Variants in FHIT observed in about 807,000 individuals in gnomAD.
FHIT encodes the protein bis(5'-adenosyl)-triphosphatase.
FHIT carries 19 observed loss-of-function variants against 17.9 expected under a neutral mutation model. The ratio of observed to expected loss-of-function variants is 1.06; its 90% CI spans 0.74 to 1.56. The LOEUF (loss-of-function observed/expected upper bound fraction) is 1.56, where lower values mean the gene tolerates loss of function less well. Among genes scored for constraint, FHIT ranks in the 40% most tolerant of loss-of-function variants. The pLI is 0.00. For missense variants in FHIT, 248 were observed against 189.2 expected (o/e 1.31, Z -1.82); for synonymous variants, 81 against 69.7 (o/e 1.16, Z -0.81).
chr3:60,983,750 T>C (rs1026518148), intron 3 of FHIT, among the ~76,000 whole-genome samples: 10 of 152,146 alleles, frequency 6.6e-5, no homozygotes, highest in Admixed American at 2.0e-4. Flanking sequence ...TGTTTGAGGA[T>C]GGCAAGCATG....
intron 2 of FHIT, among the ~76,000 whole-genome samples, chr3:61,065,970 C>G (rs2034595802): frequency 6.6e-6 from 1 of 152,100 alleles, no homozygotes; most frequent in African/African-American, 2.4e-5. Context: ...AATTTATAAA[C>G]AACAGAGATT....
intron 2 of FHIT, among the ~76,000 whole-genome samples, chr3:61,063,199 T>G (rs2034487347): frequency 7.3e-6 from 1 of 137,550 alleles, no homozygotes; most frequent in South Asian, 2.3e-4. Context: ...GAGCTTGCAA[T>G]GAGCTGAGAC....
chr3:59,995,144 T>C (rs1032222707), intron 7 of FHIT, among the ~76,000 whole-genome samples: 2 of 151,314 alleles, frequency 1.3e-5, no homozygotes, highest in Non-Finnish European at 2.9e-5. Context: ...TTGTCCAGGA[T>C]AGTACAAATC....
chr3:59,960,723 CT>C (rs1707633791), intron 7 of FHIT, among the ~76,000 whole-genome samples: 1 of 152,216 alleles, frequency 6.6e-6, no homozygotes, highest in African/African-American at 2.4e-5. Context: ...GCATCTGCAT[CT>C]TTCTTCCTCT....
At chr3:61,208,961 T>G (rs1162666418) in intron 1 of FHIT, among the ~76,000 whole-genome samples, 1 of 152,058 alleles carries the variant, frequency 6.6e-6, no homozygotes, top group African/African-American at 2.4e-5. Flanking sequence ...GTACTGGTTG[T>G]TCCTTTCCAT....
chr3:60,440,383 G>A (rs1261983090), intron 5 of FHIT, among the ~76,000 whole-genome samples: 1 of 152,022 alleles, frequency 6.6e-6, no homozygotes, highest in African/African-American at 2.4e-5. Flanking sequence ...TTTACACAGT[G>A]CCATTCTAAT....
intron 3 of FHIT, among the ~76,000 whole-genome samples, chr3:61,031,090 T>C (rs905663603): frequency 7.2e-5 from 11 of 152,298 alleles, no homozygotes; most frequent in East Asian, 1.9e-4. Flanking sequence ...ATCTCAAAAG[T>C]TATTCTCGTT....
At chr3:60,753,125 T>C (rs879989438) in intron 4 of FHIT, among the ~76,000 whole-genome samples, 2 of 152,120 alleles carry the variant, frequency 1.3e-5, no homozygotes, top group South Asian at 2.1e-4. Context: ...TGAAGGTGAG[T>C]TGCAGGCATT....
intron 1 of FHIT, among the ~76,000 whole-genome samples, chr3:61,214,899 A>G (rs969549135): frequency 1.3e-5 from 2 of 152,284 alleles, no homozygotes; most frequent in Middle Eastern, 3.4e-3. Context: ...AGAGCCAAAG[A>G]CAAAAACCAC....
intron 5 of FHIT, among the ~76,000 whole-genome samples, chr3:60,218,377 T>C (rs1703796824): frequency 6.6e-6 from 1 of 152,168 alleles, no homozygotes; most frequent in South Asian, 2.1e-4. Flanking sequence ...GCTAAGAGAA[T>C]TATAACAGGA....
chr3:60,094,138 G>C (rs963737160), intron 5 of FHIT, among the ~76,000 whole-genome samples: 1 of 152,234 alleles, frequency 6.6e-6, no homozygotes, highest in African/African-American at 2.4e-5. Context: ...AAGTTTCTAA[G>C]AGAATCTACC....
At chr3:61,022,530 C>T (rs919401663) in intron 3 of FHIT, among the ~76,000 whole-genome samples, 3 of 152,070 alleles carry the variant, frequency 2.0e-5, no homozygotes, top group Non-Finnish European at 4.4e-5. Flanking sequence ...CAAAACCTGA[C>T]AGAGAAACAA....
At chr3:60,130,210 G>A (rs12639423) in intron 5 of FHIT, among the ~76,000 whole-genome samples, 29,063 of 152,172 alleles carry the variant, frequency 0.19, 3,403 homozygotes, top group South Asian at 0.27. Context: ...TGTGTGATAC[G>A]TGCCATGTAA....
At chr3:60,402,641 T>C (rs998079819) in intron 5 of FHIT, among the ~76,000 whole-genome samples, 1 of 152,210 alleles carries the variant, frequency 6.6e-6, no homozygotes, top group Admixed American at 6.5e-5. Flanking sequence ...TTGCAAATTA[T>C]CTAAGTTTCA....
chr3:60,167,565 T>A (rs574613123), intron 5 of FHIT, among the ~76,000 whole-genome samples: 1 of 152,262 alleles, frequency 6.6e-6, no homozygotes, highest in East Asian at 1.9e-4. Flanking sequence ...ATTGCAATAA[T>A]TGTGAAGGAA....
At chr3:60,166,378 A>G (rs1701177017) in intron 5 of FHIT, among the ~76,000 whole-genome samples, 1 of 152,240 alleles carries the variant, frequency 6.6e-6, no homozygotes, top group African/African-American at 2.4e-5. Flanking sequence ...AACTGAATGC[A>G]TACTCATCTT....
chr3:60,258,826 T>C (rs1418762099), intron 5 of FHIT, among the ~76,000 whole-genome samples: 1 of 152,080 alleles, frequency 6.6e-6, no homozygotes, highest in East Asian at 1.9e-4. Flanking sequence ...GGTAATAAGC[T>C]GGGAGGGACT....
At chr3:60,444,853 AT>A (rs1205566023) in intron 5 of FHIT, among the ~76,000 whole-genome samples, 14 of 151,726 alleles carry the variant, frequency 9.2e-5, no homozygotes, top group Middle Eastern at 3.4e-3. Context: ...ATAAAAAAAA[AT>A]TTTAAAAAAA....
At chr3:59,931,985 C>G (rs1476559706) in intron 7 of FHIT, among the ~76,000 whole-genome samples, 1 of 150,446 alleles carries the variant, frequency 6.6e-6, no homozygotes, top group Admixed American at 6.6e-5. Context: ...AAAAAAAAAG[C>G]AAGATAATGG....
Sources: gnomAD v4.1 joint callset for allele counts (sites outside exome capture counted in the v4.1 genomes callset) on GRCh38, gnomAD v4.1.1 for gene constraint, MANE v1.5 for transcripts, NCBI Gene and HGNC (gene_info 2026-07-23, HGNC 2026-07-21) for gene names.